HS3ST4: variants seen among roughly 807,000 people sequenced by gnomAD.
The protein encoded by HS3ST4 is heparan sulfate-glucosamine 3-sulfotransferase 4, also known as heparan sulfate glucosamine 3-O-sulfotransferase 4.
Under a neutral mutation model 29.2 loss-of-function variants are expected in HS3ST4, and 17 were observed. That is an observed-to-expected ratio of 0.58 (90% CI 0.40 to 0.87). The LOEUF (loss-of-function observed/expected upper bound fraction) is 0.87, where lower values mean the gene tolerates loss of function less well. Among genes scored for constraint, HS3ST4 ranks in the 40% least tolerant of loss-of-function variants. HS3ST4 has a pLI of 0.00. For synonymous variants in HS3ST4, 314 were observed against 285.7 expected (o/e 1.10, Z -1.00); for missense variants, 627 against 634.5 (o/e 0.99, Z 0.13).
chr16:26,011,681 T>G (rs887755306), intron 1 of HS3ST4, among the ~76,000 whole-genome samples: 2 of 95,054 alleles, frequency 2.1e-5, no homozygotes, highest in African/African-American at 7.5e-5. Context: ...TATGTTTGTG[T>G]GTGTGTGTGT....
intron 1 of HS3ST4, among the ~76,000 whole-genome samples, chr16:25,913,965 G>A (rs1010097477): frequency 1.4e-4 from 20 of 147,878 alleles, no homozygotes; most frequent in African/African-American, 4.5e-4. Context: ...TAAGTGATGT[G>A]GTAGATGTGT....
At chr16:25,743,254 G>A (rs1036405010) in intron 1 of HS3ST4, among the ~76,000 whole-genome samples, 1 of 152,130 alleles carries the variant, frequency 6.6e-6, no homozygotes, top group Non-Finnish European at 1.5e-5. Context: ...GTGACCTTGG[G>A]CATGTTATTA....
chr16:25,960,206 C>T (rs1426037677), intron 1 of HS3ST4, among the ~76,000 whole-genome samples: 2 of 152,148 alleles, frequency 1.3e-5, no homozygotes, highest in Admixed American at 6.5e-5. Context: ...CATACCTGCT[C>T]CCCCTTCTCC....
chr16:26,000,784 T>G (rs1969205257), intron 1 of HS3ST4, among the ~76,000 whole-genome samples: 1 of 152,166 alleles, frequency 6.6e-6, no homozygotes, highest in Non-Finnish European at 1.5e-5. Context: ...ATATGTGAAC[T>G]TCATAAATGT....
At chr16:26,112,042 G>A (rs1199434747) in intron 1 of HS3ST4, among the ~76,000 whole-genome samples, 1 of 151,096 alleles carries the variant, frequency 6.6e-6, no homozygotes, top group Non-Finnish European at 1.5e-5. Flanking sequence ...TCTCTTTTGA[G>A]CCCTGCCACA....
rs192270832 is a variant in HS3ST4, at chr16:25,985,717, C to T, written c.735-149895C>T. 3.3e-5 allele frequency among the ~76,000 whole-genome samples: 5 copies of T among 152,122 alleles called. No homozygotes were observed. In the East Asian group the frequency reaches 9.7e-4, roughly 29 times the overall value. ...ATTTATTTATTTTTAGCGACAGGGT[C>T]TTGCTCTGTTGCCCAAGGTGGAGTG... On this transcript the variant is annotated intron_variant, in intron 1 of 1. Transcript: ENST00000331351.
intron 1 of HS3ST4, among the ~76,000 whole-genome samples, chr16:26,090,557 C>A (rs1331582655): frequency 1.3e-5 from 2 of 151,796 alleles, no homozygotes; most frequent in Admixed American, 6.6e-5. Flanking sequence ...ACCCAAAGAG[C>A]AGAGCCCATA....
At chr16:25,791,037 T>C (rs1966868111) in intron 1 of HS3ST4, among the ~76,000 whole-genome samples, 1 of 152,144 alleles carries the variant, frequency 6.6e-6, no homozygotes, top group Non-Finnish European at 1.5e-5. Flanking sequence ...CAAACAGAGC[T>C]CCAATTTATA....
intron 1 of HS3ST4, among the ~76,000 whole-genome samples, chr16:26,054,095 G>A (rs143432298): frequency 1.0e-3 from 155 of 152,232 alleles, no homozygotes; most frequent in African/African-American, 3.0e-3. Context: ...TCATATGGCC[G>A]TGCCTGAGAT....
intron 1 of HS3ST4, among the ~76,000 whole-genome samples, chr16:25,743,799 C>T (rs1966669748): frequency 6.6e-6 from 1 of 152,228 alleles, no homozygotes; most frequent in South Asian, 2.1e-4. Flanking sequence ...AGCCACCCAC[C>T]TTGGCCATTT....
chr16:25,872,807 A>G (rs542392250), intron 1 of HS3ST4, among the ~76,000 whole-genome samples: 19 of 152,338 alleles, frequency 1.2e-4, no homozygotes, highest in African/African-American at 4.6e-4. Context: ...GGATGCATCT[A>G]TAAGAGTAAG....
At chr16:26,071,032 G>C (rs1053477236) in intron 1 of HS3ST4, among the ~76,000 whole-genome samples, 1 of 152,200 alleles carries the variant, frequency 6.6e-6, no homozygotes, top group African/African-American at 2.4e-5. Context: ...CTATTTAAAT[G>C]CCTCTCAGAA....
chr16:25,756,533 C>T (rs1046489062), intron 1 of HS3ST4, among the ~76,000 whole-genome samples: 1 of 152,160 alleles, frequency 6.6e-6, no homozygotes, highest in Non-Finnish European at 1.5e-5. Context: ...AATCACATGA[C>T]AACCATTTGA....
chr16:25,905,595 C>G (rs192195945), intron 1 of HS3ST4, among the ~76,000 whole-genome samples: 1 of 152,204 alleles, frequency 6.6e-6, no homozygotes, highest in Admixed American at 6.5e-5. Flanking sequence ...GGCATGAAGG[C>G]TCGTGAAAGA....
chr16:25,981,968 T>C (rs1969009782), intron 1 of HS3ST4, among the ~76,000 whole-genome samples: 1 of 152,190 alleles, frequency 6.6e-6, no homozygotes, highest in Admixed American at 6.5e-5. Context: ...TCACTTTCCA[T>C]GGGGAATCTA....
At chr16:26,012,997 T>C (rs946170746) in intron 1 of HS3ST4, among the ~76,000 whole-genome samples, 1 of 151,892 alleles carries the variant, frequency 6.6e-6, no homozygotes, top group African/African-American at 2.4e-5. Context: ...ACCCCATCTC[T>C]ACTAAAAATA....
At chr16:25,738,032 G>T (rs893957390) in intron 1 of HS3ST4, among the ~76,000 whole-genome samples, 1 of 151,528 alleles carries the variant, frequency 6.6e-6, no homozygotes, top group South Asian at 2.1e-4. Flanking sequence ...AGCCTCCCAA[G>T]TACCTGGGAT....
intron 1 of HS3ST4, among the ~76,000 whole-genome samples, chr16:25,805,305 G>A (rs1966979302): frequency 6.6e-6 from 1 of 152,306 alleles, no homozygotes; most frequent in South Asian, 2.1e-4. Context: ...TGATTTTGGA[G>A]ACTGAAAGCC....
At chr16:25,729,674 A>G (rs1405411260) in intron 1 of HS3ST4, among the ~76,000 whole-genome samples, 2 of 152,028 alleles carry the variant, frequency 1.3e-5, no homozygotes, top group Non-Finnish European at 2.9e-5. Flanking sequence ...CTTTTCCCTG[A>G]GTTATTATAT....
Sources: allele counts gnomAD v4.1 joint callset (sites outside exome capture counted in the v4.1 genomes callset), GRCh38; gene constraint gnomAD v4.1.1; transcripts MANE v1.5; gene names NCBI Gene and HGNC (gene_info 2026-07-23, HGNC 2026-07-21).